The following IRGM variants were observed in gnomAD, a reference collection of about 807,000 sequenced individuals.
IRGM encodes immunity-related GTPase family M protein.
For missense variants in IRGM, 288 were observed against 219.9 expected (o/e 1.31, Z -1.96); for synonymous variants, 98 against 80.6 (o/e 1.22, Z -1.16).
chr5:150,863,523 G>T (rs1754165195), intron 1 of IRGM, among the ~76,000 whole-genome samples: 1 of 152,072 alleles, frequency 6.6e-6, no homozygotes, highest in Admixed American at 6.5e-5. Flanking sequence ...CAATTTCAAG[G>T]CTCCTGATAG....
At position 150,846,768 on chromosome 5, in the gene IRGM, G is replaced by A. The variant is rs892647391; in HGVS notation, c.-868G>A. ...TTCGAAGGTCTGCAGCTTCGCTCCTGAGTCAGTGAAACCACGAACCCACCG... is the reference window on the plus strand; with the variant it reads ...TTCGAAGGTCTGCAGCTTCGCTCCTAAGTCAGTGAAACCACGAACCCACCG... On this transcript the variant is annotated 5_prime_UTR_variant, in exon 1 of 2. Transcript: ENST00000522154. 1.2e-4 allele frequency: 19 copies of A among 152,854 alleles called. No individual in the cohort carries two copies. Among genetic ancestry groups the A allele is most frequent in the African/African-American group, 4.3e-4 (18 of 41,418 alleles). The allele number at this position is 152,854 out of a possible 1,614,324, so 9.5% of individuals were successfully genotyped here.
At position 150,896,790 on chromosome 5, in the gene IRGM, A is replaced by T; in HGVS notation, c.*141-3799A>T. 1 of 1,613,770 alleles carries T rather than the reference A, an allele frequency of 6.2e-7. No individual in the cohort carries two copies. Among genetic ancestry groups the T allele is most frequent in the Non-Finnish European group, 8.5e-7 (1 of 1,179,772 alleles). On this transcript the variant is annotated intron_variant and NMD_transcript_variant, in intron 3 of 3. Coordinates refer to the IRGM transcript ENST00000520549. Reference sequence around the variant, plus strand: ...CTCAGTCACTGTTTTGCTGTTAACAAATGTGACCTGCCTGAAGAGTTTGTC... The same window carrying T: ...CTCAGTCACTGTTTTGCTGTTAACATATGTGACCTGCCTGAAGAGTTTGTC...
At chr5:150,902,244 C>G (rs934062046), downstream of IRGM, among the ~76,000 whole-genome samples, 2 of 152,170 alleles carry the variant, frequency 1.3e-5, no homozygotes, top group Non-Finnish European at 2.9e-5. Context: ...GAACTTGACA[C>G]TAATCCTACA....
intron 3 of IRGM, among the ~76,000 whole-genome samples, chr5:150,887,108 A>G (rs148584844): frequency 6.6e-6 from 1 of 152,040 alleles, no homozygotes; most frequent in Non-Finnish European, 1.5e-5. Flanking sequence ...CTGAAATGAC[A>G]GAAATGCAAT....
intron 1 of IRGM, among the ~76,000 whole-genome samples, chr5:150,869,441 C>G (rs1754251346): frequency 2.0e-5 from 3 of 151,798 alleles, no homozygotes. Flanking sequence ...TGTAGTTTTC[C>G]TTTTTGATAT....
chr5:150,899,143 A>ACC (rs1754905715), intron 3 of IRGM, among the ~76,000 whole-genome samples: 1 of 152,098 alleles, frequency 6.6e-6, no homozygotes, highest in Non-Finnish European at 1.5e-5. Flanking sequence ...TACATCCCTC[A>ACC]CAGTCCTGAA....
intron 1 of IRGM, among the ~76,000 whole-genome samples, chr5:150,858,637 T>C (rs1180391069): frequency 6.6e-6 from 1 of 151,992 alleles, no homozygotes; most frequent in Non-Finnish European, 1.5e-5. Context: ...GAAGAGGTCC[T>C]TCACATCCCT....
chr5:150,869,625 C>T (rs1223721992), intron 1 of IRGM, among the ~76,000 whole-genome samples: 2 of 151,978 alleles, frequency 1.3e-5, no homozygotes, highest in African/African-American at 4.8e-5. Context: ...TTTTTGTTGG[C>T]AATTTTAAAA....
chr5:150,852,965 T>C (rs532146608), downstream of IRGM, among the ~76,000 whole-genome samples: 15 of 152,130 alleles, frequency 9.9e-5, no homozygotes, highest in Non-Finnish European at 1.5e-4. Flanking sequence ...CTCATATCTT[T>C]TGTTATTTTA....
At chr5:150,853,652 C>T (rs1388275037), downstream of IRGM, among the ~76,000 whole-genome samples, 2 of 151,996 alleles carry the variant, frequency 1.3e-5, no homozygotes, top group African/African-American at 4.8e-5. Flanking sequence ...TAGTATCTTG[C>T]TTTGTCTCTT....
Position 150,848,641 on chromosome 5 carries a change from T to A in IRGM, c.518T>A (p.Leu173His), listed in dbSNP as rs1352556442. ...ATCAGAGAAAATGTCCTGGAAAATC[T>A]CCAGAAGGAGCGGGTATGTGAATAC... ...LQIRENVLEN[L>H]QKERVCEY Residue 173 changes from leucine to histidine, a missense_variant, in exon 2 of 2, where the codon CTC (leucine) becomes CAC (histidine). Leu to His is a moderately conservative substitution (Grantham distance 99). Transcript: ENST00000522154. The A allele has an allele frequency of 6.5e-7, 1 of 1,544,070 alleles. No homozygotes were observed.
Position 150,848,654 on chromosome 5 carries a change from G to GGT in IRGM, c.532_533dup (p.Cys179TyrfsTer10), listed in dbSNP as rs748111523. 12 of 1,532,656 alleles carry GGT rather than the reference G, an allele frequency of 7.8e-6. 2 individuals carry two copies. The South Asian group carries it at 1.5e-4, about 19-fold the overall frequency. 94.9% of individuals were successfully genotyped at this position (1,532,656 alleles called of 1,614,324 possible). A position where few individuals can be genotyped will look rare whatever the true frequency, so the allele number is the denominator to read the frequency against. On this transcript the variant is annotated frameshift_variant, in exon 2 of 2. Transcript: ENST00000522154. LOFTEE classifies it high-confidence loss of function. ...TCCTGGAAAATCTCCAGAAGGAGCG[G>GGT]GTATGTGAATACTAATTCCTGTCTT... is the stretch of plus-strand genomic sequence containing the variant.
chr5:150,879,315 TG>T (rs1426177007), intron 2 of IRGM, among the ~76,000 whole-genome samples: 1 of 152,232 alleles, frequency 6.6e-6, no homozygotes, highest in Non-Finnish European at 1.5e-5. Flanking sequence ...ATTACATAAA[TG>T]TGCATTGAAA....
At chr5:150,896,297 TACA>T (rs750014763) in intron 3 of IRGM, 11 of 1,613,708 alleles carry the variant, frequency 6.8e-6, no homozygotes, top group South Asian at 3.3e-5. Flanking sequence ...TTCTCTGATG[TACA>T]ACAAGATGAA....
intron 1 of IRGM, among the ~76,000 whole-genome samples, chr5:150,868,691 C>T (rs1754239994): frequency 6.6e-6 from 1 of 151,972 alleles, no homozygotes; most frequent in Non-Finnish European, 1.5e-5. Flanking sequence ...ATTTCACCTC[C>T]TTGGTTAGGT....
chr5:150,895,505 T>C (rs546918792), intron 3 of IRGM: 7 of 1,613,566 alleles, frequency 4.3e-6, no homozygotes, highest in African/African-American at 1.3e-5. Flanking sequence ...ATATAGCACA[T>C]TGATAGGGTC....
Position 150,857,922 on chromosome 5 carries a change from T to G in IRGM, c.158+9268T>G, listed in dbSNP as rs1347234143. On this transcript the variant is annotated intron_variant and NMD_transcript_variant, in intron 1 of 3. Transcript: ENST00000520549. ...TTTCTTTTGCTGTGCAGAAGCTCTT[T>G]AGTTTAATTAGATCCCATTTGTCAA... Among the ~76,000 whole-genome samples, 2 of 151,288 alleles carry G rather than the reference T, an allele frequency of 1.3e-5. 1 individual carries two copies.
chr5:150,887,658 G>GAAA (rs75460329), intron 3 of IRGM, among the ~76,000 whole-genome samples: 33 of 88,566 alleles, frequency 3.7e-4, no homozygotes, highest in Non-Finnish European at 4.4e-4. Flanking sequence ...AGGTCAAAAT[G>GAAA]AAAAAAAAAA....
rs1391417120 is a variant in IRGM, at chr5:150,896,714, T to C, written c.*141-3875T>C. On this transcript the variant is annotated intron_variant and NMD_transcript_variant, in intron 3 of 3. Transcript: ENST00000520549. The stretch of plus-strand genomic sequence containing the variant: ...ATCTCTGTATTGATATATCTGTTTC[T>C]ATGCACTCTTGAAATATTTTCCCCA... 1 of 1,613,504 alleles carries C rather than the reference T, an allele frequency of 6.2e-7. No homozygotes were observed. The highest frequency in any genetic ancestry group is 8.5e-7 in the Non-Finnish European group (1 of 1,179,778).
Sources: allele counts gnomAD v4.1 joint callset (sites outside exome capture counted in the v4.1 genomes callset), GRCh38; gene constraint gnomAD v4.1.1; transcripts MANE v1.5; gene names NCBI Gene and HGNC (gene_info 2026-07-23, HGNC 2026-07-21).